The following GABRG1 variants were observed in gnomAD, a reference collection of about 807,000 sequenced individuals.
The protein encoded by GABRG1 is gamma-aminobutyric acid type A receptor subunit gamma1.
Under a neutral mutation model 49.8 loss-of-function variants are expected in GABRG1, and 49 were observed. The ratio of observed to expected loss-of-function variants is 0.98; its 90% confidence interval spans 0.78 to 1.25. The LOEUF (loss-of-function observed/expected upper bound fraction) is 1.25. Among genes scored for constraint, GABRG1 ranks in the 50% most tolerant of loss-of-function variants. GABRG1 has a pLI of 0.00. For missense variants in GABRG1, 552 were observed against 552.3 expected (o/e 1.00, Z 0.01); for synonymous variants, 232 against 185.1 (o/e 1.25, Z -2.06).
intron 2 of GABRG1, among the ~76,000 whole-genome samples, chr4:46,087,175 G>T (rs896448316): frequency 2.6e-5 from 4 of 151,436 alleles, no homozygotes; most frequent in Admixed American, 6.6e-5. Flanking sequence ...TTTTTTTAAA[G>T]AATTTGTGTA....
chr4:46,112,342 A>G (rs1720742917), intron 1 of GABRG1, among the ~76,000 whole-genome samples: 1 of 151,238 alleles, frequency 6.6e-6, no homozygotes. Context: ...CAACAGATAT[A>G]GACTAGGCTG....
intron 2 of GABRG1, among the ~76,000 whole-genome samples, chr4:46,093,821 A>T (rs987627894): frequency 2.6e-5 from 4 of 152,012 alleles, no homozygotes; most frequent in African/African-American, 7.2e-5. Flanking sequence ...AATATGTATA[A>T]AGCAAAATCT....
At chr4:46,099,708 T>C (rs1720310388) in intron 1 of GABRG1, among the ~76,000 whole-genome samples, 1 of 151,750 alleles carries the variant, frequency 6.6e-6, no homozygotes, top group East Asian at 1.9e-4. Flanking sequence ...AAGTTAAGTA[T>C]ATCACTAAAG....
At chr4:46,045,251 A>C (rs1368643376) in intron 8 of GABRG1, among the ~76,000 whole-genome samples, 1 of 152,112 alleles carries the variant, frequency 6.6e-6, no homozygotes, top group Non-Finnish European at 1.5e-5. Flanking sequence ...AAGAACAGTT[A>C]GAAAATAAGA....
At chr4:46,114,007 G>C (rs1391124612) in intron 1 of GABRG1, among the ~76,000 whole-genome samples, 2 of 150,532 alleles carry the variant, frequency 1.3e-5, no homozygotes, top group Non-Finnish European at 3.0e-5. Context: ...CTTTTCAAAG[G>C]GTAGGAAAAA....
intron 1 of GABRG1, among the ~76,000 whole-genome samples, chr4:46,098,659 C>A (rs1720272231): frequency 6.6e-6 from 1 of 151,788 alleles, no homozygotes; most frequent in African/African-American, 2.4e-5. Flanking sequence ...TGTTGGACTA[C>A]CCTGGTCTTG....
intron 3 of GABRG1, among the ~76,000 whole-genome samples, chr4:46,075,930 T>C (rs1232142782): frequency 6.6e-6 from 1 of 151,988 alleles, no homozygotes; most frequent in Non-Finnish European, 1.5e-5. Flanking sequence ...GTGTGTGGAA[T>C]GAGAGACAAT....
At chr4:46,083,942 A>C in intron 3 of GABRG1, 44 bp downstream of exon 3, 1 of 1,050,554 alleles carries the variant, frequency 9.5e-7, no homozygotes, top group Non-Finnish European at 1.4e-6. Context: ...GGTATACACG[A>C]GAGATCTCTG....
Position 46,049,533 on chromosome 4 carries a change from T to TATTTGCC in GABRG1, c.1131+1884_1131+1890dup, listed in dbSNP as rs200884357. Among the ~76,000 whole-genome samples, 848 of 152,106 alleles carry TATTTGCC rather than the reference T, an allele frequency of 5.6e-3. 9 individuals carry two copies. Among genetic ancestry groups the TATTTGCC allele is most frequent in the African/African-American group, 0.02 (813 of 41,548 alleles). On this transcript the variant is annotated intron_variant, in intron 8 of 8. Transcript: ENST00000295452. ...TATAATATGTCAATTTAACTGTTGCTATTTGCCATTTAGTACTTCAATACT... is the reference window on the plus strand; with the variant it reads ...TATAATATGTCAATTTAACTGTTGCTATTTGCCATTTGCCATTTAGTACTTCAATACT...
At position 46,040,554 on chromosome 4, in the gene GABRG1, G is replaced by GA. The variant is rs1029359219; in HGVS notation, c.*433dup. 6.6e-6 allele frequency: 1 copy of GA among 152,494 alleles called. No homozygotes were observed. The highest frequency in any genetic ancestry group is 2.4e-5 in the African/African-American group (1 of 41,358). The allele number at this position is 152,494 out of a possible 1,614,324, so 9.4% of individuals were successfully genotyped here. On this transcript the variant is annotated 3_prime_UTR_variant, in exon 9 of 9. Transcript: ENST00000295452. ...AGCAGGGTAATCAAATGAAAAGCAAGAAAAAACAAATTAACAGTCTTTTTT... is the reference window on the plus strand; with the variant it reads ...AGCAGGGTAATCAAATGAAAAGCAAGAAAAAAACAAATTAACAGTCTTTTTT...
chr4:46,083,918 A>C, intron 3 of GABRG1, 68 bp downstream of exon 3: 1 of 832,666 alleles, frequency 1.2e-6, no homozygotes, highest in Non-Finnish European at 2.0e-6. Flanking sequence ...CTCACATGCG[A>C]ATTCTATTTT....
At chr4:46,046,196 T>A (rs935245167) in intron 8 of GABRG1, among the ~76,000 whole-genome samples, 1 of 152,148 alleles carries the variant, frequency 6.6e-6, no homozygotes, top group East Asian at 1.9e-4. Context: ...TTAATTTTTT[T>A]AAATGGGAAT....
Position 46,041,207 on chromosome 4 carries a change from A to G in GABRG1, c.1179T>C (p.Asn393=), listed in dbSNP as rs368842593. ...AATCATCTTCTTGCGGCACAGAAAT[A>G]TTATTCATTGGAATCAGAGTGGATC... The part of the protein sequence containing the change: ...HPGSTLIPMN[N]ISVPQEDDYG... The change falls in exon 9 of 9, where the codon AAT becomes AAC. Residue 393 remains asparagine, a synonymous_variant. Transcript: ENST00000295452. The G allele has an allele frequency of 6.8e-6, 11 of 1,612,752 alleles. No homozygotes were observed. The African/African-American group carries it at 9.4e-5, about 14-fold the overall frequency.
At chr4:46,089,894 G>T (rs531829608) in intron 2 of GABRG1, among the ~76,000 whole-genome samples, 10 of 152,142 alleles carry the variant, frequency 6.6e-5, no homozygotes, top group African/African-American at 2.4e-4. Flanking sequence ...GCCCCAGGAG[G>T]TTGAAGCTGC....
intron 3 of GABRG1, among the ~76,000 whole-genome samples, chr4:46,071,594 T>C (rs1013337712): frequency 2.6e-5 from 4 of 151,734 alleles, no homozygotes; most frequent in South Asian, 2.1e-4. Context: ...AGATGACAGC[T>C]TTATGCATGT....
At position 46,038,681 on chromosome 4, in the gene GABRG1, A is replaced by T. The variant is rs541700866; in HGVS notation, c.*2307T>A. 1 of 151,748 alleles carries T rather than the reference A, an allele frequency of 6.6e-6. No individual in the cohort carries two copies. Among genetic ancestry groups the T allele is most frequent in the African/African-American group, 2.4e-5 (1 of 41,554 alleles). 9.4% of individuals were successfully genotyped at this position (151,748 alleles called of 1,614,324 possible). A position where few individuals can be genotyped will look rare whatever the true frequency, so the allele number is the denominator to read the frequency against. Reference sequence around the variant, plus strand: ...GAGAAAGAAGTCTAAATGTAGTTTTACCTTTTTATTCTTATTTTTAGAAAT... The same window carrying T: ...GAGAAAGAAGTCTAAATGTAGTTTTTCCTTTTTATTCTTATTTTTAGAAAT... On this transcript the variant is annotated 3_prime_UTR_variant, in exon 9 of 9. Coordinates refer to ENST00000295452, the MANE Select transcript of GABRG1 (RefSeq NM_173536.4).
At chr4:46,088,103 T>C (rs1299951827) in intron 2 of GABRG1, among the ~76,000 whole-genome samples, 1 of 152,078 alleles carries the variant, frequency 6.6e-6, no homozygotes, top group Non-Finnish European at 1.5e-5. Context: ...CAGTAAGTTT[T>C]AATGAACAAT....
intron 7 of GABRG1, among the ~76,000 whole-genome samples, chr4:46,052,728 A>T (rs1269558880): frequency 1.3e-5 from 2 of 151,948 alleles, no homozygotes; most frequent in African/African-American, 4.8e-5. Context: ...TACTAAACAT[A>T]ATGCTAAATG....
intron 3 of GABRG1, among the ~76,000 whole-genome samples, chr4:46,073,567 G>C (rs1381298009): frequency 2.0e-5 from 3 of 151,930 alleles, no homozygotes; most frequent in African/African-American, 7.2e-5. Flanking sequence ...ATAAATGATT[G>C]AATAAGTCTA....
Sources: gnomAD v4.1 joint callset for allele counts (sites outside exome capture counted in the v4.1 genomes callset) on GRCh38, gnomAD v4.1.1 for gene constraint, MANE v1.5 for transcripts, NCBI Gene and HGNC (gene_info 2026-07-23, HGNC 2026-07-21) for gene names.